SPAG1: variants seen among roughly 807,000 people sequenced by gnomAD.
The protein encoded by SPAG1 is sperm-associated antigen 1.
In SPAG1, 69 loss-of-function variants were observed where a neutral mutation model predicts 100.5. The ratio of observed to expected loss-of-function variants is 0.69; its 90% confidence interval spans 0.57 to 0.84. The LOEUF is 0.84. Among genes scored for constraint, SPAG1 ranks in the 40% least tolerant of loss-of-function variants. The probability of loss-of-function intolerance (pLI) is 0.00; values close to 1 mark genes in which losing one functional copy is unlikely to be tolerated. For missense variants in SPAG1, 955 were observed against 1,133.1 expected (o/e 0.84, Z 2.26); for synonymous variants, 336 against 411.6 (o/e 0.82, Z 2.22).
At chr8:100,206,409 A>G (rs2514679) in intron 10 of SPAG1, among the ~76,000 whole-genome samples, 68,883 of 152,068 alleles carry the variant, frequency 0.45, 16,727 homozygotes, top group African/African-American at 0.62. Flanking sequence ...CTTATTCGGA[A>G]AGACCTTGAT....
intron 16 of SPAG1, among the ~76,000 whole-genome samples, chr8:100,238,750 T>C (rs546933969): frequency 7.3e-6 from 1 of 137,540 alleles, no homozygotes; most frequent in Admixed American, 8.0e-5. Flanking sequence ...CATAGTCCTT[T>C]ATAGGTTTAA....
chr8:100,175,512 T>G (rs1816075322), intron 3 of SPAG1, among the ~76,000 whole-genome samples: 1 of 152,076 alleles, frequency 6.6e-6, no homozygotes, highest in Non-Finnish European at 1.5e-5. Context: ...GGTCTCAATC[T>G]CCTGACCTCG....
In SPAG1 at chr8:100,187,008, A is replaced by G. The variant is rs1475076104; in HGVS notation, c.702-112A>G. On this transcript the variant is annotated intron_variant, in intron 7 of 18. Coordinates refer to ENST00000388798, the MANE Select transcript of SPAG1 (RefSeq NM_003114.5). ...CAACATACGAATGTTGGGGGATACAATTCAGCCCATAGACAGGTTATAATT... is the reference window on the plus strand; with the variant it reads ...CAACATACGAATGTTGGGGGATACAGTTCAGCCCATAGACAGGTTATAATT... The G allele has an allele frequency of 7.3e-6, 7 of 959,126 alleles. No homozygotes were observed. In the Admixed American group the frequency reaches 1.4e-4, roughly 19 times the overall value. 59.4% of individuals were successfully genotyped at this position (959,126 alleles called of 1,614,324 possible).
intron 6 of SPAG1, among the ~76,000 whole-genome samples, 171 bp from the exon 7 acceptor site, chr8:100,184,457 T>A (rs1816500803): frequency 6.6e-6 from 1 of 152,184 alleles, no homozygotes; most frequent in African/African-American, 2.4e-5. Flanking sequence ...AACTTGTGAA[T>A]GATTTAAAAA....
rs1342656324 is a variant in SPAG1 at position 100,161,925 on chromosome 8, C to G, written c.-2-354C>G. Among the ~76,000 whole-genome samples the G allele has an allele frequency of 2.6e-5, 4 of 152,210 alleles. No individual in the cohort carries two copies. The South Asian group carries it at 8.3e-4, about 32-fold the overall frequency. ...AGTTGGTCTGGTGATAATTTCCAGGCCTTCTCCCTGTAGCCAGTTGCAGAA... is the reference window on the plus strand; with the variant it reads ...AGTTGGTCTGGTGATAATTTCCAGGGCTTCTCCCTGTAGCCAGTTGCAGAA... On this transcript the variant is annotated intron_variant, in intron 1 of 18. Transcript: ENST00000388798.
chr8:100,184,694 A>G lies in SPAG1; in HGVS notation c.662A>G (p.Asn221Ser), dbSNP rs918123832. Reference sequence around the variant, plus strand: ...AAGGAGAAAGGAAATGAAGCTTTCAACTCAGGAGATTATGAAGAAGCAGTG... The same window carrying G: ...AAGGAGAAAGGAAATGAAGCTTTCAGCTCAGGAGATTATGAAGAAGCAGTG... The part of the protein sequence containing the change: ...REKEKGNEAF[N>S]SGDYEEAVMY... Residue 221 changes from asparagine to serine, a missense_variant, in exon 7 of 19, where the codon AAC becomes AGC. Physicochemically the swap from Asn to Ser is conservative, Grantham distance 46 (BLOSUM62 1). Transcript: ENST00000388798. 4 of 1,587,938 alleles carry G rather than the reference A, an allele frequency of 2.5e-6. No individual in the cohort carries two copies. The highest frequency in any genetic ancestry group is 3.8e-5 in the Admixed American group (2 of 53,146).
In SPAG1 at chr8:100,213,423, C is replaced by A; in HGVS notation, c.1430C>A (p.Pro477Gln). ...TCGGCGGCAATCGCGCTCCTGGAGC[C>A]AGCAGGTAGGTGCGCCGCGCCCCGC... ...KYSAAIALLE[P>Q]AGSEIADDLS... is the part of the protein sequence containing the mutation. Residue 477 changes from proline to glutamine, a missense_variant, in exon 11 of 19, where the codon CCA (proline) becomes CAA (glutamine). Pro to Gln is a moderately conservative substitution (Grantham distance 76). Transcript: ENST00000388798. 7.1e-7 allele frequency: 1 copy of A among 1,412,442 alleles called. No homozygotes were observed. 87.5% of individuals were successfully genotyped at this position (1,412,442 alleles called of 1,614,324 possible). A position where few individuals can be genotyped will look rare whatever the true frequency, so the allele number is the denominator to read the frequency against.
chr8:100,196,116 G>A (rs1344930786), intron 10 of SPAG1, among the ~76,000 whole-genome samples: 1 of 152,082 alleles, frequency 6.6e-6, no homozygotes, highest in African/African-American at 2.4e-5. Flanking sequence ...TTATACATTC[G>A]GTTATTCAAG....
Position 100,187,111 on chromosome 8 carries a change from C to G in SPAG1, c.702-9C>G. On this transcript the variant is annotated splice_polypyrimidine_tract_variant and intron_variant, in intron 7 of 18. Coordinates refer to ENST00000388798, the MANE Select transcript of SPAG1 (RefSeq NM_003114.5). ...GCTTGCTTGTTGCCAGTAACTGTTT[C>G]TTTTCTAGGAGCATATCAGCGCTTC... The G allele has an allele frequency of 1.9e-6, 3 of 1,596,860 alleles. No individual in the cohort carries two copies. The highest frequency in any genetic ancestry group is 2.6e-6 in the Non-Finnish European group (3 of 1,173,398).
intron 16 of SPAG1, among the ~76,000 whole-genome samples, chr8:100,237,300 C>G (rs906175140): frequency 6.6e-6 from 1 of 152,080 alleles, no homozygotes; most frequent in Non-Finnish European, 1.5e-5. Context: ...AGGCTGGTCT[C>G]GAACTCTTGG....
intron 1 of SPAG1, among the ~76,000 whole-genome samples, chr8:100,160,274 T>C (rs1431647111): frequency 6.6e-6 from 1 of 152,210 alleles, no homozygotes; most frequent in East Asian, 1.9e-4. Flanking sequence ...ATAAAGTAAG[T>C]TCTTTCACAA....
intron 1 of SPAG1, among the ~76,000 whole-genome samples, chr8:100,159,682 T>C (rs2132174832): frequency 6.6e-6 from 1 of 152,374 alleles, no homozygotes; most frequent in South Asian, 2.1e-4. Context: ...AAAGTTTGTA[T>C]AAAGCAATAT....
intron 12 of SPAG1, among the ~76,000 whole-genome samples, chr8:100,216,106 A>G (rs1817975654): frequency 2.0e-5 from 3 of 152,182 alleles, no homozygotes. Context: ...AGCAAATGCC[A>G]CAAATCTGGG....
chr8:100,213,484 C>T, intron 11 of SPAG1, 56 bp downstream of exon 11: 1 of 1,299,780 alleles, frequency 7.7e-7, no homozygotes, highest in Non-Finnish European at 9.9e-7. Flanking sequence ...GTTCACCCGA[C>T]CTCCGGGGCC....
At chr8:100,219,969 C>G (rs534920831) in intron 12 of SPAG1, among the ~76,000 whole-genome samples, 4 of 152,338 alleles carry the variant, frequency 2.6e-5, no homozygotes, top group Non-Finnish European at 5.9e-5. Context: ...TGTTGAAACC[C>G]TGCTGTGTGC....
At position 100,177,807 on chromosome 8, in the gene SPAG1, T is replaced by C. The variant is rs1816194081; in HGVS notation, c.301-9T>C. On this transcript the variant is annotated splice_polypyrimidine_tract_variant and intron_variant, in intron 3 of 18. Transcript: ENST00000388798. ...CAAACTATATATTTACCCTTTTCTC[T>C]ATTCTCAGAGTTGGGTATCAGAAAT... 1.4e-6 allele frequency: 2 copies of C among 1,444,110 alleles called. No individual in the cohort carries two copies. Among genetic ancestry groups the C allele is most frequent in the South Asian group, 1.2e-5 (1 of 85,376 alleles). 89.5% of individuals were successfully genotyped at this position (1,444,110 alleles called of 1,614,324 possible).
intron 10 of SPAG1, chr8:100,194,756 T>C (rs1010205983): frequency 3.6e-5 from 7 of 194,384 alleles, no homozygotes; most frequent in Non-Finnish European, 5.2e-5. Flanking sequence ...CTTGAAACAA[T>C]ATTTTAAGAG....
intron 14 of SPAG1, among the ~76,000 whole-genome samples, chr8:100,227,668 ATTTT>A (rs1448382450): frequency 2.6e-5 from 4 of 152,066 alleles, no homozygotes; most frequent in Non-Finnish European, 5.9e-5. Context: ...CTGTGTTTGA[ATTTT>A]TCTGTCCATA....
chr8:100,230,099 A>T (rs1818698976), intron 14 of SPAG1, among the ~76,000 whole-genome samples: 5 of 152,248 alleles, frequency 3.3e-5, no homozygotes, highest in Admixed American at 3.3e-4. Flanking sequence ...CTATGGCCAT[A>T]GGACCATGAT....
Sources: gnomAD v4.1 joint callset for allele counts (sites outside exome capture counted in the v4.1 genomes callset) on GRCh38, gnomAD v4.1.1 for gene constraint, MANE v1.5 for transcripts, NCBI Gene and HGNC (gene_info 2026-07-23, HGNC 2026-07-21) for gene names.